C19orf47: variants seen among roughly 807,000 people sequenced by gnomAD.
C19orf47 encodes chromosome 19 open reading frame 47, also known as uncharacterized protein C19orf47.
Under a neutral mutation model 32.3 loss-of-function variants are expected in C19orf47, and 18 were observed. That is an observed-to-expected ratio of 0.56 (90% CI 0.39 to 0.83). C19orf47 has a LOEUF of 0.83. C19orf47 is among the 40% of genes least tolerant of loss of function. The pLI is 0.00. For synonymous variants in C19orf47, 202 were observed against 211.1 expected (o/e 0.96, Z 0.37); for missense variants, 484 against 531.6 (o/e 0.91, Z 0.88).
intron 2 of C19orf47, among the ~76,000 whole-genome samples, chr19:40,337,561 AT>A (rs2145592141): frequency 6.6e-6 from 1 of 152,248 alleles, no homozygotes; most frequent in African/African-American, 2.4e-5. Flanking sequence ...CCATAGTTTA[AT>A]TAGCAAACTG....
intron 4 of C19orf47, 129 bp from the exon 5 acceptor site, chr19:40,334,058 TAAGA>T: frequency 1.7e-6 from 1 of 599,220 alleles, no homozygotes; most frequent in Non-Finnish European, 2.8e-6. Flanking sequence ...CTCCTAACCA[TAAGA>T]AAGCATCAGA....
At chr19:40,331,281 G>A (rs2077947535) in intron 5 of C19orf47, among the ~76,000 whole-genome samples, 1 of 152,226 alleles carries the variant, frequency 6.6e-6, no homozygotes, top group Non-Finnish European at 1.5e-5. Context: ...CTGTGAACAA[G>A]CCCAGGCTAG....
chr19:40,340,658 C>T (rs573744688), intron 2 of C19orf47, among the ~76,000 whole-genome samples: 2 of 142,538 alleles, frequency 1.4e-5, no homozygotes, highest in South Asian at 4.6e-4. Flanking sequence ...TCCAGCCTGG[C>T]GACAGAGCAA....
the C19orf47 span, among the ~76,000 whole-genome samples, chr19:40,307,031 C>T: frequency 2.6e-5 from 4 of 151,002 alleles, no homozygotes; most frequent in South Asian, 2.1e-4. Flanking sequence ...CCTCGTGATC[C>T]GCCCGCCTGG....
intron 6 of C19orf47, among the ~76,000 whole-genome samples, chr19:40,328,205 C>T (rs575310950): frequency 5.5e-4 from 83 of 152,154 alleles, no homozygotes; most frequent in Non-Finnish European, 9.9e-4. Flanking sequence ...GGTGGGGTAT[C>T]GCCACCCCCC....
chr19:40,347,389 G>A (rs867454784), intron 1 of C19orf47, among the ~76,000 whole-genome samples: 1 of 151,930 alleles, frequency 6.6e-6, no homozygotes, highest in African/African-American at 2.4e-5. Flanking sequence ...AAAATTAGCC[G>A]GGCGTGGTGG....
Position 40,324,076 on chromosome 19 carries a change from C to A in C19orf47, c.593G>T (p.Gly198Val). ...GTCAAACACAGACGTCCTATGGAGA[C>A]CTGGGAGGGAAGTGAAGCCATCAGG... ...KILEQQQAAK[G>V]LHRTSVFDRL... Residue 198 changes from glycine (G) to valine (V), a missense_variant and splice_region_variant, in exon 8 of 9, where the codon GGT (glycine) becomes GTT (valine). Physicochemically the swap from Gly to Val is moderately radical, Grantham distance 109. Coordinates refer to ENST00000683109, the MANE Select transcript of C19orf47 (RefSeq NM_001256441.2). 2 of 1,614,238 alleles carry A rather than the reference C, an allele frequency of 1.2e-6. No individual in the cohort carries two copies. The highest frequency in any genetic ancestry group is 2.2e-5 in the South Asian group (2 of 91,088).
At chr19:40,337,492 A>G in intron 2 of C19orf47, among the ~76,000 whole-genome samples, 1 of 151,834 alleles carries the variant, frequency 6.6e-6, no homozygotes, top group South Asian at 2.1e-4. Flanking sequence ...TCGAAGTAGA[A>G]CTTTTTTTCA....
At chr19:40,308,026 C>T in the C19orf47 span, among the ~76,000 whole-genome samples, 4 of 152,098 alleles carry the variant, frequency 2.6e-5, no homozygotes, top group Non-Finnish European at 4.4e-5. Context: ...GTGGATCACA[C>T]AGCTGTAGGA....
At chr19:40,327,403 C>G (rs1029855648) in intron 6 of C19orf47, among the ~76,000 whole-genome samples, 7 of 151,794 alleles carry the variant, frequency 4.6e-5, no homozygotes, top group African/African-American at 1.7e-4. Flanking sequence ...ATCCTCCTGC[C>G]TCAGCCTCCC....
At chr19:40,341,562 G>A (rs1313232441) in intron 2 of C19orf47, among the ~76,000 whole-genome samples, 5 of 152,094 alleles carry the variant, frequency 3.3e-5, no homozygotes, top group Admixed American at 6.6e-5. Flanking sequence ...CATTTCACAG[G>A]TGAGAAAACC....
rs933939073 is a variant in C19orf47 at position 40,322,481 on chromosome 19, G to A, written c.664-105C>T. 3.0e-6 allele frequency: 4 copies of A among 1,325,086 alleles called. No homozygotes were observed. The African/African-American group carries it at 5.9e-5, about 20-fold the overall frequency. 82.1% of individuals were successfully genotyped at this position (1,325,086 alleles called of 1,614,324 possible). A position where few individuals can be genotyped will look rare whatever the true frequency, so the allele number is the denominator to read the frequency against. On this transcript the variant is annotated intron_variant, in intron 8 of 8. Transcript: ENST00000683109. ...GGCCTCCTGGGACTCACAGTTGGGA[G>A]AAACACCCATCACTGACACCCCAGA...
At chr19:40,302,486 G>A in the C19orf47 span, among the ~76,000 whole-genome samples, 1 of 152,088 alleles carries the variant, frequency 6.6e-6, no homozygotes, top group Middle Eastern at 3.4e-3. Flanking sequence ...TATAGAGATG[G>A]GGTTTTGCCA....
chr19:40,328,565 G>C lies in C19orf47; in HGVS notation c.302-15C>G. 2 of 1,597,544 alleles carry C rather than the reference G, an allele frequency of 1.3e-6. No homozygotes were observed. The highest frequency in any genetic ancestry group is 1.7e-6 in the Non-Finnish European group (2 of 1,172,908). On this transcript the variant is annotated splice_polypyrimidine_tract_variant and intron_variant, in intron 5 of 8. Coordinates refer to ENST00000683109, the MANE Select transcript of C19orf47 (RefSeq NM_001256441.2). Reference sequence around the variant, plus strand: ...TCGGGAGGCAGCTGTGGGGAGAAAAGGAGAGTCCGGTCGGGTGGGGTCCTG... The same window carrying C: ...TCGGGAGGCAGCTGTGGGGAGAAAACGAGAGTCCGGTCGGGTGGGGTCCTG...
At chr19:40,329,130 A>G (rs1361313700) in intron 5 of C19orf47, among the ~76,000 whole-genome samples, 4 of 151,848 alleles carry the variant, frequency 2.6e-5, no homozygotes, top group African/African-American at 9.7e-5. Context: ...ATTAAACTCT[A>G]TTTGTTTACT....
intron 4 of C19orf47, 53 bp downstream of exon 4, chr19:40,336,057 C>T (rs994977692): frequency 2.6e-6 from 4 of 1,541,228 alleles, no homozygotes; most frequent in East Asian, 4.5e-5. Flanking sequence ...CTGCAACTGA[C>T]CCTCCACCTC....
At chr19:40,325,039 G>A (rs1375645494) in intron 7 of C19orf47, among the ~76,000 whole-genome samples, 1 of 151,878 alleles carries the variant, frequency 6.6e-6, no homozygotes, top group African/African-American at 2.4e-5. Flanking sequence ...AGAGGCCAAG[G>A]CAGGTGGATC....
intron 1 of C19orf47, chr19:40,343,892 T>A (rs1199053105): frequency 6.7e-6 from 1 of 150,158 alleles, no homozygotes; most frequent in African/African-American, 2.5e-5. Flanking sequence ...GCCTCCTGGG[T>A]TCAAGCGGTT....
the C19orf47 span, among the ~76,000 whole-genome samples, chr19:40,302,355 C>G: frequency 5.3e-5 from 8 of 152,252 alleles, 1 homozygote; most frequent in South Asian, 6.2e-4. Context: ...GCCTCCACCC[C>G]CCAGGCTCAG....
Sources: gnomAD v4.1 joint callset for allele counts (sites outside exome capture counted in the v4.1 genomes callset) on GRCh38, gnomAD v4.1.1 for gene constraint, MANE v1.5 for transcripts, NCBI Gene and HGNC (gene_info 2026-07-23, HGNC 2026-07-21) for gene names.